Variants in ARHGAP15 observed in about 807,000 individuals in gnomAD.
ARHGAP15 encodes Rho GTPase activating protein 15.
Under a neutral mutation model 63.7 loss-of-function variants are expected in ARHGAP15, and 51 were observed. The ratio of observed to expected loss-of-function variants is 0.80; its 90% CI spans 0.64 to 1.01. The LOEUF is 1.01. Ranked by LOEUF, ARHGAP15 falls within the 50% of genes least tolerant of loss-of-function variation. The probability of loss-of-function intolerance (pLI) is 0.00; values close to 1 mark genes in which losing one functional copy is unlikely to be tolerated. For missense variants in ARHGAP15, 560 were observed against 564.6 expected (o/e 0.99, Z 0.08); for synonymous variants, 191 against 193.8 (o/e 0.99, Z 0.12).
At chr2:143,689,149 C>G (rs1683481432) in intron 12 of ARHGAP15, among the ~76,000 whole-genome samples, 1 of 152,102 alleles carries the variant, frequency 6.6e-6, no homozygotes, top group Non-Finnish European at 1.5e-5. Flanking sequence ...GGGAAAACTT[C>G]TCTGGTTTGT....
At chr2:143,764,967 C>G (rs1412884708) in intron 13 of ARHGAP15, among the ~76,000 whole-genome samples, 1 of 152,132 alleles carries the variant, frequency 6.6e-6, no homozygotes, top group East Asian at 1.9e-4. Context: ...TGGCCCATGA[C>G]CTCTGAGCCC....
At chr2:143,524,949 T>C (rs1310237034) in intron 10 of ARHGAP15, among the ~76,000 whole-genome samples, 2 of 152,200 alleles carry the variant, frequency 1.3e-5, no homozygotes, top group African/African-American at 4.8e-5. Context: ...AATATAATTT[T>C]CCTGATATTT....
At chr2:143,666,813 G>T (rs1553519813) in intron 12 of ARHGAP15, among the ~76,000 whole-genome samples, 3 of 149,226 alleles carry the variant, frequency 2.0e-5, no homozygotes, top group Non-Finnish European at 1.5e-5. Flanking sequence ...AAAAACACAT[G>T]AAAAAATGCT....
chr2:143,485,004 G>A (rs528752652), intron 8 of ARHGAP15, among the ~76,000 whole-genome samples: 44 of 152,256 alleles, frequency 2.9e-4, no homozygotes, highest in Non-Finnish European at 4.7e-4. Flanking sequence ...TCTTGGTCTT[G>A]CCTAAATTAC....
chr2:143,576,283 G>A (rs1696678322), intron 11 of ARHGAP15, among the ~76,000 whole-genome samples: 1 of 152,052 alleles, frequency 6.6e-6, no homozygotes, highest in Non-Finnish European at 1.5e-5. Context: ...TTCATTGGCT[G>A]AGGCAGGAAA....
At chr2:143,470,774 T>C (rs1408385813) in intron 8 of ARHGAP15, among the ~76,000 whole-genome samples, 1 of 149,722 alleles carries the variant, frequency 6.7e-6, no homozygotes, top group African/African-American at 2.4e-5. Flanking sequence ...TGTCAGTCAT[T>C]CATCCTACTC....
intron 6 of ARHGAP15, among the ~76,000 whole-genome samples, chr2:143,389,264 A>G (rs913434993): frequency 2.0e-5 from 3 of 152,026 alleles, no homozygotes; most frequent in Non-Finnish European, 4.4e-5. Context: ...TGAAAATGTG[A>G]TTATGAGGTG....
rs368171637 is a variant in ARHGAP15 at position 143,467,562 on chromosome 2, AAAAT to A, written c.704-19807_704-19804del. The stretch of plus-strand genomic sequence containing the variant: ...ATTTGTTACTGATTTAAAAAATACT[AAAAT>A]AAACCCAGGTACCCAAAACTATTGT... On this transcript the variant is annotated intron_variant, in intron 8 of 13. Transcript: ENST00000295095. 9.6e-4 allele frequency among the ~76,000 whole-genome samples: 146 copies of A among 152,234 alleles called. 1 individual carries two copies. The highest frequency in any genetic ancestry group is 3.4e-3 in the Middle Eastern group (1 of 294).
Position 143,250,589 on chromosome 2 carries a change from A to C in ARHGAP15, c.463A>C (p.Asn155His), listed in dbSNP as rs774437379. ...GGCCAAGGAAAAATCGAGCAGAAAG[A>C]ATGTCTTTCAGGTAAGAATGTTACA... ...EWAKEKSSRK[N>H]VFQITTVSGN... Residue 155 changes from asparagine (N) to histidine (H), a missense_variant, in exon 6 of 14, where the codon AAT (asparagine) becomes CAT (histidine). By Grantham distance (68) the Asn-to-His change is moderately conservative. Transcript: ENST00000295095. 1.9e-5 allele frequency: 30 copies of C among 1,612,554 alleles called. No individual in the cohort carries two copies. The highest frequency in any genetic ancestry group is 2.7e-5 in the African/African-American group (2 of 74,870).
chr2:143,535,011 A>G lies in ARHGAP15; in HGVS notation c.925+15647A>G, dbSNP rs368327610. ...GAAGATGTTATTTTTTACAATTTCCATATTTCTAATTTCCTTATGATAGAA... is the reference window on the plus strand; with the variant it reads ...GAAGATGTTATTTTTTACAATTTCCGTATTTCTAATTTCCTTATGATAGAA... On this transcript the variant is annotated intron_variant, in intron 10 of 13. Transcript: ENST00000295095. 7.9e-5 allele frequency among the ~76,000 whole-genome samples: 12 copies of G among 152,300 alleles called. No homozygotes were observed. The South Asian group carries it at 2.5e-3, about 32-fold the overall frequency.
At chr2:143,435,811 G>A in intron 7 of ARHGAP15, 112 bp downstream of exon 7, 1 of 1,074,382 alleles carries the variant, frequency 9.3e-7, no homozygotes, top group Non-Finnish European at 1.3e-6. Flanking sequence ...TGGACTGAGA[G>A]GGATTAAGTT....
intron 10 of ARHGAP15, among the ~76,000 whole-genome samples, chr2:143,536,142 T>G (rs1040243248): frequency 3.9e-5 from 6 of 152,216 alleles, no homozygotes; most frequent in African/African-American, 1.4e-4. Flanking sequence ...CCCTTGAAAT[T>G]TATTCCTTCT....
intron 13 of ARHGAP15, among the ~76,000 whole-genome samples, chr2:143,753,978 G>A (rs1027182011): frequency 6.6e-6 from 1 of 152,126 alleles, no homozygotes; most frequent in Non-Finnish European, 1.5e-5. Flanking sequence ...CTCCTCCACA[G>A]ATCTAATGTT....
chr2:143,604,935 G>C (rs1697927875), intron 11 of ARHGAP15, among the ~76,000 whole-genome samples: 1 of 152,078 alleles, frequency 6.6e-6, no homozygotes, highest in Non-Finnish European at 1.5e-5. Context: ...TTTTGAGACA[G>C]TCTCACTCTG....
chr2:143,612,981 A>G (rs1033680102), intron 11 of ARHGAP15, among the ~76,000 whole-genome samples: 3 of 152,186 alleles, frequency 2.0e-5, no homozygotes, highest in Non-Finnish European at 4.4e-5. Flanking sequence ...ACAATGCTCA[A>G]TGACGCTTAA....
At chr2:143,152,022 T>C (rs1422230378) in intron 1 of ARHGAP15, among the ~76,000 whole-genome samples, 1 of 151,840 alleles carries the variant, frequency 6.6e-6, no homozygotes, top group East Asian at 2.0e-4. Flanking sequence ...TCTCAATTCA[T>C]CCACAAAAAA....
At chr2:143,407,418 A>G (rs377150817) in intron 6 of ARHGAP15, among the ~76,000 whole-genome samples, 1 of 151,922 alleles carries the variant, frequency 6.6e-6, no homozygotes, top group African/African-American at 2.4e-5. Context: ...TAGAAAATGT[A>G]ATGACTTTTT....
intron 13 of ARHGAP15, among the ~76,000 whole-genome samples, chr2:143,764,440 C>A (rs982627448): frequency 1.3e-5 from 2 of 152,140 alleles, no homozygotes; most frequent in Non-Finnish European, 2.9e-5. Flanking sequence ...TTCCTTGGTT[C>A]ACTCCCCCAC....
intron 13 of ARHGAP15, among the ~76,000 whole-genome samples, chr2:143,765,506 AG>A (rs1406642881): frequency 6.6e-6 from 1 of 152,222 alleles, no homozygotes; most frequent in Non-Finnish European, 1.5e-5. Flanking sequence ...CCATGCCAAC[AG>A]TGCTCACAGG....
Sources: gnomAD v4.1 joint callset for allele counts (sites outside exome capture counted in the v4.1 genomes callset) on GRCh38, gnomAD v4.1.1 for gene constraint, MANE v1.5 for transcripts, NCBI Gene and HGNC (gene_info 2026-07-23, HGNC 2026-07-21) for gene names.